DIAPH2: variants seen among roughly 807,000 people sequenced by gnomAD.
DIAPH2 encodes protein diaphanous homolog 2.
A neutral mutation model predicts 92.7 loss-of-function variants in DIAPH2; 35 were observed. The ratio of observed to expected loss-of-function variants is 0.38; its 90% CI spans 0.29 to 0.50. DIAPH2 has a LOEUF of 0.50. Ranked by LOEUF, DIAPH2 falls within the 20% of genes least tolerant of loss-of-function variation. DIAPH2 has a pLI of 0.94. For synonymous variants in DIAPH2, 301 were observed against 280.4 expected (o/e 1.07, Z -0.73); for missense variants, 701 against 819.5 (o/e 0.86, Z 1.77).
At chrX:96,830,817 T>C (rs1447279618) in intron 4 of DIAPH2, among the ~76,000 whole-genome samples, 4 of 111,005 alleles carry the variant, frequency 3.6e-5, no homozygotes, top group Non-Finnish European at 1.9e-5. Context: ...AGAGAGAATA[T>C]GGAAAGAAAG....
chrX:97,303,155 C>A (rs748251697), intron 23 of DIAPH2, among the ~76,000 whole-genome samples: 35 of 112,227 alleles, frequency 3.1e-4, no homozygotes, highest in Non-Finnish European at 5.8e-4. Flanking sequence ...CTTTTCATTT[C>A]TTTTACTTAT....
chrX:96,790,740 G>T (rs1178021715), intron 4 of DIAPH2, among the ~76,000 whole-genome samples: 1 of 111,495 alleles, frequency 9.0e-6, no homozygotes, highest in African/African-American at 3.3e-5. Context: ...AAATGAAAGG[G>T]CTATTGACAG....
At chrX:96,955,553 A>T in intron 15 of DIAPH2, among the ~76,000 whole-genome samples, 1 of 111,373 alleles carries the variant, frequency 9.0e-6, no homozygotes, top group East Asian at 2.8e-4. Flanking sequence ...ATCTGAGACA[A>T]GTTATGTTCC....
intron 26 of DIAPH2, among the ~76,000 whole-genome samples, chrX:97,460,340 A>G (rs1479761322): frequency 8.9e-6 from 1 of 112,108 alleles, no homozygotes; most frequent in Non-Finnish European, 1.9e-5. Flanking sequence ...TATTACTGCT[A>G]TTATTATTTT....
At chrX:97,258,572 CA>C (rs1185034403) in intron 23 of DIAPH2, among the ~76,000 whole-genome samples, 1 of 97,066 alleles carries the variant, frequency 1.0e-5, no homozygotes. Context: ...GACTCCGCCT[CA>C]AAAAAAATAA....
intron 4 of DIAPH2, among the ~76,000 whole-genome samples, chrX:96,876,178 A>G (rs1190785930): frequency 9.8e-5 from 11 of 112,079 alleles, no homozygotes; most frequent in Non-Finnish European, 2.1e-4. Context: ...ATCACTGGCC[A>G]TCAGAGAAAT....
At chrX:97,381,404 A>C (rs751274020) in intron 24 of DIAPH2, among the ~76,000 whole-genome samples, 44 of 112,054 alleles carry the variant, frequency 3.9e-4, no homozygotes, top group Non-Finnish European at 4.9e-4. Context: ...GGTTTATGAA[A>C]TGAAAATATA....
chrX:97,601,158 A>AAGTC lies in DIAPH2; in HGVS notation c.*1842_*1845dup, dbSNP rs2071592952. On this transcript the variant is annotated 3_prime_UTR_variant, in exon 27 of 27. Coordinates refer to ENST00000324765, the MANE Select transcript of DIAPH2 (RefSeq NM_006729.5). ...TAGTATGTGTATTTTTGACTTTACA[A>AAGTC]AGTCTTTCTTTTCTGAAATCTTCGT... 2 of 111,597 alleles carry AAGTC rather than the reference A, an allele frequency of 1.8e-5. No individual in the cohort carries two copies. The highest frequency in any genetic ancestry group is 6.6e-5 in the African/African-American group (2 of 30,211). The allele number at this position is 111,597 out of a possible 1,213,427, so 9.2% of individuals were successfully genotyped here.
intron 5 of DIAPH2, among the ~76,000 whole-genome samples, chrX:96,896,621 G>A (rs1362856382): frequency 8.9e-6 from 1 of 112,210 alleles, no homozygotes; most frequent in Admixed American, 9.5e-5. Context: ...GCTTTTAACT[G>A]TTCCAATTAA....
chrX:97,474,851 T>C (rs925937060), intron 26 of DIAPH2, among the ~76,000 whole-genome samples: 4 of 111,108 alleles, frequency 3.6e-5, no homozygotes, highest in African/African-American at 9.8e-5. Flanking sequence ...CTTCTAGTAT[T>C]GTGCAGCCCA....
In DIAPH2 at chrX:97,548,978, G is replaced by A. The variant is rs1216530859; in HGVS notation, c.3242-50275G>A. On this transcript the variant is annotated intron_variant, in intron 26 of 26. Coordinates refer to ENST00000324765, the MANE Select transcript of DIAPH2 (RefSeq NM_006729.5). ...TTGTATATTAAGGCCCACATTAAGG[G>A]CCTGCCCATTTATAAAATGACGGGT... 2.7e-5 allele frequency among the ~76,000 whole-genome samples: 3 copies of A among 112,293 alleles called. No homozygotes were observed. The Admixed American group carries it at 2.8e-4, about 11-fold the overall frequency.
intron 1 of DIAPH2, among the ~76,000 whole-genome samples, chrX:96,705,271 A>G (rs2063879010): frequency 9.0e-6 from 1 of 111,453 alleles, no homozygotes. Flanking sequence ...GCCTGGCCAA[A>G]ACCGAGTTTT....
chrX:97,549,251 T>C (rs1283710361), intron 26 of DIAPH2, among the ~76,000 whole-genome samples: 1 of 111,911 alleles, frequency 8.9e-6, no homozygotes, highest in Non-Finnish European at 1.9e-5. Flanking sequence ...AAATTTGCCT[T>C]TCAGATCTCC....
chrX:97,039,805 G>C (rs1254342909), intron 17 of DIAPH2, among the ~76,000 whole-genome samples: 1 of 111,329 alleles, frequency 9.0e-6, no homozygotes, highest in Admixed American at 9.6e-5. Context: ...TGAGACTAAA[G>C]TGGGTCATAT....
chrX:96,982,196 T>C (rs2066002023), intron 17 of DIAPH2, among the ~76,000 whole-genome samples: 1 of 112,258 alleles, frequency 8.9e-6, no homozygotes, highest in Non-Finnish European at 1.9e-5. Context: ...AATACTATTC[T>C]GATTTCCCCC....
chrX:96,945,751 TATAAG>T (rs1464322742), intron 14 of DIAPH2, among the ~76,000 whole-genome samples, 160 bp downstream of exon 14: 2 of 111,889 alleles, frequency 1.8e-5, no homozygotes, highest in African/African-American at 6.5e-5. Flanking sequence ...TTTATTTCCT[TATAAG>T]GTAAGGTTGC....
chrX:97,464,708 G>A (rs1247666613), intron 26 of DIAPH2, among the ~76,000 whole-genome samples: 1 of 111,754 alleles, frequency 8.9e-6, no homozygotes, highest in Non-Finnish European at 1.9e-5. Context: ...GAAGGGTATG[G>A]GAAGGGCTGG....
At chrX:96,993,188 G>C (rs1234965905) in intron 17 of DIAPH2, among the ~76,000 whole-genome samples, 1 of 111,986 alleles carries the variant, frequency 8.9e-6, no homozygotes, top group East Asian at 2.8e-4. Flanking sequence ...TAGGATTATT[G>C]GTGAAGAAGG....
chrX:96,780,951 C>T (rs1467259085), intron 4 of DIAPH2, among the ~76,000 whole-genome samples: 3 of 108,653 alleles, frequency 2.8e-5, no homozygotes, highest in Admixed American at 9.9e-5. Flanking sequence ...GGATTATAGG[C>T]GCCCACCACC....
Sources: allele counts gnomAD v4.1 joint callset (sites outside exome capture counted in the v4.1 genomes callset), GRCh38; gene constraint gnomAD v4.1.1; transcripts MANE v1.5; gene names NCBI Gene and HGNC (gene_info 2026-07-23, HGNC 2026-07-21).